Variants in RPL3L observed in about 807,000 individuals in gnomAD.
RPL3L encodes the protein ribosomal protein L3 like.
RPL3L carries 44 observed loss-of-function variants against 44.5 expected under a neutral mutation model. That is an observed-to-expected ratio of 0.99 (90% CI 0.78 to 1.27). The LOEUF (loss-of-function observed/expected upper bound fraction) is 1.27. Ranked by LOEUF, RPL3L falls within the 50% of genes most tolerant of loss-of-function variation. The pLI, the probability that RPL3L is intolerant of heterozygous loss-of-function variation, is 0.00. For missense variants in RPL3L, 631 were observed against 569.1 expected, an observed-to-expected ratio of 1.11 and a Z score of -1.11; for synonymous variants, 292 against 230.7, an observed-to-expected ratio of 1.27 and a Z score of -2.41.
chr16:1,950,985 C>T lies in RPL3L; in HGVS notation c.366-6G>A, dbSNP rs529244017. ...CTTTCTTCTTGCTCTTGTGCCTGAGCCATGCACAGGAGGGTGCTCAGAAGC... is the reference window on the plus strand; with the variant it reads ...CTTTCTTCTTGCTCTTGTGCCTGAGTCATGCACAGGAGGGTGCTCAGAAGC... On this transcript the variant is annotated splice_region_variant and splice_polypyrimidine_tract_variant and intron_variant, in intron 3 of 9. Transcript: ENST00000268661. The T allele has an allele frequency of 6.2e-7, 1 of 1,613,402 alleles. No homozygotes were observed. The highest frequency in any genetic ancestry group is 1.3e-5 in the African/African-American group (1 of 74,992).
At chr16:1,954,218 C>T (rs534449468) in intron 1 of RPL3L, 70 bp from the exon 2 acceptor site, 2 of 1,395,478 alleles carry the variant, frequency 1.4e-6, no homozygotes, top group East Asian at 2.7e-5. Flanking sequence ...GTCCCAGAAC[C>T]CATACCTGGA....
At position 1,946,550 on chromosome 16, in the gene RPL3L, C is replaced by A. The variant is rs2083121382; in HGVS notation, c.951+75G>T. 3 of 1,490,516 alleles carry A rather than the reference C, an allele frequency of 2.0e-6. No homozygotes were observed. In the African/African-American group the frequency reaches 4.1e-5, roughly 21 times the overall value. The allele number at this position is 1,490,516 out of a possible 1,614,324, so 92.3% of individuals were successfully genotyped here. A position where few individuals can be genotyped will look rare whatever the true frequency, so the allele number is the denominator to read the frequency against. ...TGCCCCCTACATGTATACCAGGCCC[C>A]CCGGCCAGCCTGACCCCACTCCAGC... On this transcript the variant is annotated intron_variant, in intron 7 of 9. Coordinates refer to ENST00000268661, the MANE Select transcript of RPL3L (RefSeq NM_005061.3).
rs1350414392 is a variant in RPL3L at position 1,945,897 on chromosome 16, CGTT to C, written c.982_984del (p.Asn328del). Reference sequence around the variant, plus strand: ...ATACAACCCTTCAGCATGACGAAGTCGTTGTTCACTTCCCCGTAGTGGGGGAAG... The same window carrying C: ...ATACAACCCTTCAGCATGACGAAGTCGTTCACTTCCCCGTAGTGGGGGAAG... On this transcript the variant is annotated inframe_deletion, in exon 8 of 10. Transcript: ENST00000268661. 5 of 1,613,368 alleles carry C rather than the reference CGTT, an allele frequency of 3.1e-6. No individual in the cohort carries two copies. Among genetic ancestry groups the C allele is most frequent in the Non-Finnish European group, 3.4e-6 (4 of 1,179,764 alleles).
intron 4 of RPL3L, among the ~76,000 whole-genome samples, chr16:1,947,681 G>A (rs1197309466): frequency 1.3e-5 from 2 of 152,164 alleles, no homozygotes; most frequent in African/African-American, 4.8e-5. Context: ...CAGATACAGT[G>A]GTCAGGGCAG....
At chr16:1,945,331 G>C (rs1049088238) in intron 9 of RPL3L, among the ~76,000 whole-genome samples, 168 bp downstream of exon 9, 7 of 148,034 alleles carry the variant, frequency 4.7e-5, no homozygotes, top group Non-Finnish European at 7.4e-5. Flanking sequence ...CTCCAGCCTG[G>C]GTGACAGAGC....
At chr16:1,950,171 G>A (rs1418114224) in intron 4 of RPL3L, among the ~76,000 whole-genome samples, 1 of 150,976 alleles carries the variant, frequency 6.6e-6, no homozygotes, top group Non-Finnish European at 1.5e-5. Context: ...GGTATGTATG[G>A]GGTGGGTATG....
chr16:1,945,877 A>G lies in RPL3L; in HGVS notation c.1005T>C (p.Gly335=), dbSNP rs1329268577. The part of the protein sequence containing the change: ...EVNNDFVMLK[G]CIAGTKKRVI... Reference sequence around the variant, plus strand: ...CCCGCTTCTTGGTACCAGCAATACAACCCTTCAGCATGACGAAGTCGTTGT... The same window carrying G: ...CCCGCTTCTTGGTACCAGCAATACAGCCCTTCAGCATGACGAAGTCGTTGT... The change falls in exon 8 of 10, where the codon GGT becomes GGC. Residue 335 remains glycine, a synonymous_variant. Coordinates refer to ENST00000268661, the MANE Select transcript of RPL3L (RefSeq NM_005061.3). The G allele has an allele frequency of 6.2e-7, 1 of 1,613,814 alleles. No homozygotes were observed.
At chr16:1,951,378 C>A (rs542635588) in intron 3 of RPL3L, among the ~76,000 whole-genome samples, 24 of 152,166 alleles carry the variant, frequency 1.6e-4, no homozygotes, top group Admixed American at 4.6e-4. Context: ...GCTTGGGAGC[C>A]ATCCTTTCTT....
chr16:1,949,990 AGGGCAGGTATGTAGG>A (rs1461559711), intron 4 of RPL3L, among the ~76,000 whole-genome samples: 5 of 23,018 alleles, frequency 2.2e-4, no homozygotes, highest in Non-Finnish European at 3.9e-4. Flanking sequence ...AGGTATGGAC[AGGGCAGGTATGTAGG>A]GGGCAGGTAT....
At position 1,950,911 on chromosome 16, in the gene RPL3L, T is replaced by G; in HGVS notation, c.434A>C (p.Gln145Pro). The G allele has an allele frequency of 6.2e-7, 1 of 1,614,068 alleles. No individual in the cohort carries two copies. Among genetic ancestry groups the G allele is most frequent in the Non-Finnish European group, 8.5e-7 (1 of 1,179,970 alleles). Residue 145 changes from glutamine (Q) to proline (P), a missense_variant, in exon 4 of 10, where the codon CAG (glutamine) becomes CCG (proline). Physicochemically the swap from Gln to Pro is moderately conservative, Grantham distance 76 (BLOSUM62 -1). Transcript: ENST00000268661. ...CATGGCGGCGAAGTCCTTCTGTAGC[T>G]GCTTTTTCCCGTCTGTGTCCCGCCA... is the stretch of plus-strand genomic sequence containing the variant. ...KRWRDTDGKK[Q>P]LQKDFAAMKK... is the part of the protein sequence containing the mutation.
At chr16:1,947,428 C>T (rs769651555) in intron 4 of RPL3L, 48 bp from the exon 5 acceptor site, 2 of 1,476,052 alleles carry the variant, frequency 1.4e-6, no homozygotes, top group South Asian at 1.3e-5. Flanking sequence ...GGATCACACC[C>T]CCACCTGAAA....
In RPL3L at chr16:1,948,087, G is replaced by A. The variant is rs563834889; in HGVS notation, c.502-707C>T. On this transcript the variant is annotated intron_variant, in intron 4 of 9. Transcript: ENST00000268661. ...TGAGTAGCTGGGACTACAGGTGCCC[G>A]CCACCTCGACCAGCTAATTTTTTGT... is the stretch of plus-strand genomic sequence containing the variant. 4.2e-4 allele frequency among the ~76,000 whole-genome samples: 63 copies of A among 151,546 alleles called. 1 individual carries two copies. The highest frequency in any genetic ancestry group is 1.5e-3 in the South Asian group (7 of 4,764).
chr16:1,949,244 GTTTTTTTT>G (rs1425634978), intron 4 of RPL3L, among the ~76,000 whole-genome samples: 74 of 81,952 alleles, frequency 9.0e-4, no homozygotes, highest in African/African-American at 2.9e-3. Context: ...CCTGATTTTT[GTTTTTTTT>G]TTTTTTCTTT....
chr16:1,950,571 G>C (rs544412276), intron 4 of RPL3L, among the ~76,000 whole-genome samples: 1 of 152,176 alleles, frequency 6.6e-6, no homozygotes, highest in Non-Finnish European at 1.5e-5. Flanking sequence ...CCTCCACACA[G>C]CACACTTGGC....
chr16:1,945,362 AAAATAAAT>A lies in RPL3L; in HGVS notation c.1167+129_1167+136del, dbSNP rs1423440074. The A allele has an allele frequency of 8.8e-4, 747 of 853,378 alleles. 50 individuals carry two copies. The African/African-American group carries it at 0.01, about 12-fold the overall frequency. 52.9% of individuals were successfully genotyped at this position (853,378 alleles called of 1,614,324 possible). On this transcript the variant is annotated intron_variant, in intron 9 of 9. Coordinates refer to ENST00000268661, the MANE Select transcript of RPL3L (RefSeq NM_005061.3). Reference sequence around the variant, plus strand: ...AGAGCGAGACTCCATCTCAAAAAATAAAATAAATAAAAAAAAAAGAGTCTCTCCTGCAG... The same window carrying A: ...AGAGCGAGACTCCATCTCAAAAAATAAAAAAAAAAAGAGTCTCTCCTGCAG...
chr16:1,953,472 G>A (rs1032046281), intron 2 of RPL3L, among the ~76,000 whole-genome samples: 13 of 152,088 alleles, frequency 8.5e-5, no homozygotes, highest in African/African-American at 2.7e-4. Context: ...CTCCTGCCTC[G>A]GCCTCCCAAA....
Position 1,946,654 on chromosome 16 carries a change from C to T in RPL3L, c.922G>A (p.Asp308Asn), listed in dbSNP as rs771732216. The change falls in exon 7 of 10, where the codon GAC becomes AAC. Residue 308 changes from aspartate (D) to asparagine (N), a missense_variant. Physicochemically the swap from Asp to Asn is conservative, Grantham distance 23. Coordinates refer to ENST00000268661, the MANE Select transcript of RPL3L (RefSeq NM_005061.3). Reference sequence around the variant, plus strand: ...GGTGTGATGGACTTGGCAGTCACGTCGTAGCTGGTGGATGCATTGTTCTTC... The same window carrying T: ...GGTGTGATGGACTTGGCAGTCACGTTGTAGCTGGTGGATGCATTGTTCTTC... ...LVKNNASTSY[D>N]VTAKSITPLG... The T allele has an allele frequency of 9.3e-6, 15 of 1,612,666 alleles. No homozygotes were observed. The highest frequency in any genetic ancestry group is 6.7e-5 in the Admixed American group (4 of 60,006).
At chr16:1,949,248 T>TG (rs1567310364) in intron 4 of RPL3L, among the ~76,000 whole-genome samples, 4 of 111,100 alleles carry the variant, frequency 3.6e-5, no homozygotes. Flanking sequence ...ATTTTTGTTT[T>TG]TTTTTTTTTT....
chr16:1,944,569 G>T lies in RPL3L; in HGVS notation c.*268C>A. The T allele has an allele frequency of 3.3e-6, 1 of 301,404 alleles. No homozygotes were observed. The highest frequency in any genetic ancestry group is 5.6e-5 in the East Asian group (1 of 17,922). 18.7% of individuals were successfully genotyped at this position (301,404 alleles called of 1,614,324 possible). On this transcript the variant is annotated 3_prime_UTR_variant, in exon 10 of 10. Coordinates refer to ENST00000268661, the MANE Select transcript of RPL3L (RefSeq NM_005061.3). Reference sequence around the variant, plus strand: ...AAAAAAAAAAAAAAAAAAAACCTCTGCTCCGCAAATGCTCAAAGAGATCGA... The same window carrying T: ...AAAAAAAAAAAAAAAAAAAACCTCTTCTCCGCAAATGCTCAAAGAGATCGA...
Sources: allele counts gnomAD v4.1 joint callset (sites outside exome capture counted in the v4.1 genomes callset), GRCh38; gene constraint gnomAD v4.1.1; transcripts MANE v1.5; gene names NCBI Gene and HGNC (gene_info 2026-07-23, HGNC 2026-07-21).